Variants in TMC2 observed in about 807,000 individuals in gnomAD.
TMC2 encodes the protein transmembrane channel-like protein 2.
In TMC2, 102 loss-of-function variants were observed where a neutral mutation model predicts 105.9. The ratio of observed to expected loss-of-function variants is 0.96; its 90% CI spans 0.82 to 1.14. The LOEUF (loss-of-function observed/expected upper bound fraction) is 1.14, where lower values mean the gene tolerates loss of function less well. TMC2 is among the 50% of genes most tolerant of loss of function. The pLI is 0.00. For missense variants in TMC2, 1,093 were observed against 1,134.3 expected (o/e 0.96, Z 0.52); for synonymous variants, 402 against 422.8 (o/e 0.95, Z 0.60).
chr20:2,539,332 A>G (rs748993003), intron 2 of TMC2, among the ~76,000 whole-genome samples: 3 of 152,208 alleles, frequency 2.0e-5, no homozygotes, highest in Non-Finnish European at 4.4e-5. Flanking sequence ...CTTGTTTTCC[A>G]CATTCCATGT....
chr20:2,608,105 C>A (rs1176231848), intron 11 of TMC2, among the ~76,000 whole-genome samples: 10 of 140,104 alleles, frequency 7.1e-5, no homozygotes, highest in Non-Finnish European at 1.1e-4. Flanking sequence ...GCCTGGGTAA[C>A]AAGAGCAAAA....
At chr20:2,622,680 C>CAAAA (rs1175443163) in intron 16 of TMC2, among the ~76,000 whole-genome samples, 1 of 135,464 alleles carries the variant, frequency 7.4e-6, no homozygotes. Context: ...GACTCTGTCT[C>CAAAA]AAAAAAAAAA....
chr20:2,564,446 G>A (rs535204301), intron 4 of TMC2, among the ~76,000 whole-genome samples: 9 of 151,768 alleles, frequency 5.9e-5, no homozygotes, highest in East Asian at 2.0e-4. Flanking sequence ...CACCGCGCCC[G>A]GCCCTCAGCC....
intron 9 of TMC2, among the ~76,000 whole-genome samples, chr20:2,596,650 A>T (rs1399136141): frequency 2.6e-5 from 4 of 151,218 alleles, no homozygotes; most frequent in Non-Finnish European, 5.9e-5. Flanking sequence ...AAAAAAAAAA[A>T]GTAGCACAAC....
rs1455452685 is a variant in TMC2 at position 2,641,441 on chromosome 20, T to G, written c.*90T>G. On this transcript the variant is annotated 3_prime_UTR_variant, in exon 20 of 20. Coordinates refer to ENST00000358864, the MANE Select transcript of TMC2 (RefSeq NM_080751.3). Reference sequence around the variant, plus strand: ...CCAAACCAAGGTTCTCTCCCCTCTTTCCTCTCACATACATGCTCTGTCTCC... The same window carrying G: ...CCAAACCAAGGTTCTCTCCCCTCTTGCCTCTCACATACATGCTCTGTCTCC... 8.1e-6 allele frequency: 6 copies of G among 743,722 alleles called. No homozygotes were observed. The highest frequency in any genetic ancestry group is 1.4e-5 in the Non-Finnish European group (6 of 442,120). The allele number at this position is 743,722 out of a possible 1,614,324, so 46.1% of individuals were successfully genotyped here.
intron 17 of TMC2, among the ~76,000 whole-genome samples, chr20:2,625,257 C>G (rs374552157): frequency 6.6e-6 from 1 of 152,072 alleles, no homozygotes; most frequent in East Asian, 1.9e-4. Context: ...CAAATGAGTA[C>G]AGACAACCAT....
intron 2 of TMC2, among the ~76,000 whole-genome samples, chr20:2,555,169 C>T (rs1390439599): frequency 6.6e-6 from 1 of 152,198 alleles, no homozygotes. Context: ...CAACCTCACC[C>T]TCCTGGGTTC....
chr20:2,604,458 T>C (rs2086374615), intron 11 of TMC2, among the ~76,000 whole-genome samples: 1 of 152,230 alleles, frequency 6.6e-6, no homozygotes. Context: ...GATCACAAAT[T>C]ATGATATATG....
chr20:2,587,114 GT>G (rs1422601671), intron 7 of TMC2, among the ~76,000 whole-genome samples: 1 of 151,912 alleles, frequency 6.6e-6, no homozygotes, highest in Non-Finnish European at 1.5e-5. Flanking sequence ...TATTTGCATG[GT>G]TCAAAATATT....
intron 5 of TMC2, among the ~76,000 whole-genome samples, chr20:2,576,999 C>T (rs1178691683): frequency 6.7e-6 from 1 of 150,278 alleles, no homozygotes; most frequent in Admixed American, 6.6e-5. Context: ...ACCTCCGCCT[C>T]CTGGGTTAAG....
intron 16 of TMC2, 58 bp downstream of exon 16, chr20:2,617,369 G>A (rs2146248624): frequency 1.2e-5 from 20 of 1,600,402 alleles, no homozygotes; most frequent in Non-Finnish European, 1.7e-5. Context: ...TGCTCAGAGG[G>A]CCTCGGCCCA....
intron 8 of TMC2, among the ~76,000 whole-genome samples, chr20:2,594,069 C>A (rs1600118517): frequency 2.0e-5 from 3 of 152,106 alleles, no homozygotes; most frequent in African/African-American, 7.2e-5. Flanking sequence ...GCTTACTCTG[C>A]AGCTCCAAGG....
intron 10 of TMC2, among the ~76,000 whole-genome samples, chr20:2,600,427 C>G (rs1368158280): frequency 6.6e-6 from 1 of 152,142 alleles, no homozygotes; most frequent in African/African-American, 2.4e-5. Flanking sequence ...CCTGTAATCC[C>G]AGCACTTTGG....
At position 2,581,179 on chromosome 20, in the gene TMC2, G is replaced by A. The variant is rs2086186974; in HGVS notation, c.834+1123G>A. Among the ~76,000 whole-genome samples the A allele has an allele frequency of 2.6e-5, 4 of 152,128 alleles. 1 individual carries two copies. In the South Asian group the frequency reaches 8.3e-4, roughly 31 times the overall value. ...TACATTTTCTGCACAGCCACTTTCA[G>A]GACATTAAAAACCTTTCACATAATG... On this transcript the variant is annotated intron_variant, in intron 7 of 19. Transcript: ENST00000358864.
In TMC2 at chr20:2,616,352, G is replaced by A. The variant is rs4481063; in HGVS notation, c.1940+148G>A. On this transcript the variant is annotated intron_variant, in intron 15 of 19. Coordinates refer to ENST00000358864, the MANE Select transcript of TMC2 (RefSeq NM_080751.3). This position sits in a 1 kb window ranked among gnomAD's most constrained non-coding sequence, Gnocchi z 4.8. ...CTCTTTCACATGAAAAATCAAGAGC[G>A]GGACTAGATGAGAAGCAGGACAGTT... 476,772 of 678,844 alleles carry A rather than the reference G, an allele frequency of 0.7. 169,510 individuals are homozygous for A. Among genetic ancestry groups the A allele is most frequent in the African/African-American group, 0.82 (46,411 of 56,266 alleles). The allele number at this position is 678,844 out of a possible 1,614,324, so 42.1% of individuals were successfully genotyped here.
intron 10 of TMC2, among the ~76,000 whole-genome samples, chr20:2,597,637 G>T (rs867307661): frequency 2.0e-5 from 3 of 150,494 alleles, no homozygotes; most frequent in Middle Eastern, 3.2e-3. Flanking sequence ...ACAGGTGCCT[G>T]CCACTATGCC....
At chr20:2,543,792 G>A (rs745778177) in intron 2 of TMC2, among the ~76,000 whole-genome samples, 14 of 152,092 alleles carry the variant, frequency 9.2e-5, no homozygotes, top group Non-Finnish European at 1.5e-4. Flanking sequence ...CCATCAGTAT[G>A]TCAATCTAGA....
chr20:2,612,368 G>C (rs553337885), intron 13 of TMC2, 28 bp downstream of exon 13: 1 of 1,509,112 alleles, frequency 6.6e-7, no homozygotes, highest in Admixed American at 1.9e-5. Flanking sequence ...CTAAAAAGGT[G>C]ACCCCTGTTC....
At chr20:2,608,137 GA>G (rs1410684635) in intron 11 of TMC2, among the ~76,000 whole-genome samples, 32 of 142,350 alleles carry the variant, frequency 2.2e-4, no homozygotes, top group African/African-American at 7.8e-4. Flanking sequence ...AAAAAAAAAA[GA>G]AAAAAAGAAA....
Sources: allele counts gnomAD v4.1 joint callset (sites outside exome capture counted in the v4.1 genomes callset), GRCh38; gene constraint gnomAD v4.1.1; non-coding constraint Gnocchi (gnomAD v3.1); transcripts MANE v1.5; gene names NCBI Gene and HGNC (gene_info 2026-07-23, HGNC 2026-07-21).